CTNNA3: variants seen among roughly 807,000 people sequenced by gnomAD.
CTNNA3 encodes the protein catenin alpha 3.
Under a neutral mutation model 95.7 loss-of-function variants are expected in CTNNA3, and 76 were observed. The observed-to-expected ratio is 0.79, with a 90% confidence interval of 0.66 to 0.96. The LOEUF (loss-of-function observed/expected upper bound fraction) is 0.96. Among genes scored for constraint, CTNNA3 ranks in the 40% least tolerant of loss-of-function variants. The pLI is 0.00. For missense variants in CTNNA3, 1,191 were observed against 1,089.8 expected, an observed-to-expected ratio of 1.09 and a Z score of -1.31; for synonymous variants, 431 against 374.4, an observed-to-expected ratio of 1.15 and a Z score of -1.74.
At chr10:67,335,590 G>C (rs1027542478) in intron 5 of CTNNA3, among the ~76,000 whole-genome samples, 3 of 152,004 alleles carry the variant, frequency 2.0e-5, no homozygotes, top group Admixed American at 6.6e-5. Flanking sequence ...TATCTTACTT[G>C]TTTTTATTAA....
At chr10:66,320,119 C>T (rs1249522557) in intron 12 of CTNNA3, among the ~76,000 whole-genome samples, 2 of 152,050 alleles carry the variant, frequency 1.3e-5, no homozygotes, top group East Asian at 1.9e-4. Context: ...AGTCTCGCAC[C>T]TGATATATAA....
At chr10:66,972,621 CTAAG>C (rs1052499533) in intron 7 of CTNNA3, among the ~76,000 whole-genome samples, 4 of 150,160 alleles carry the variant, frequency 2.7e-5, no homozygotes, top group African/African-American at 9.8e-5. Flanking sequence ...AGTGCTTTTT[CTAAG>C]TAAGACATGA....
intron 7 of CTNNA3, among the ~76,000 whole-genome samples, chr10:66,873,873 G>A (rs1197806864): frequency 6.6e-6 from 1 of 152,096 alleles, no homozygotes; most frequent in African/African-American, 2.4e-5. Context: ...TGTCTAAGTT[G>A]TTATTTATTT....
intron 10 of CTNNA3, among the ~76,000 whole-genome samples, chr10:66,584,814 G>A (rs1843306646): frequency 6.6e-6 from 1 of 151,900 alleles, no homozygotes; most frequent in Non-Finnish European, 1.5e-5. Context: ...TATTTATTCT[G>A]GTGAGTAACA....
chr10:67,205,841 C>G (rs1863872291), intron 6 of CTNNA3, among the ~76,000 whole-genome samples: 1 of 152,122 alleles, frequency 6.6e-6, no homozygotes, highest in South Asian at 2.1e-4. Context: ...CTTTAGAAAA[C>G]TTGTCATGGT....
At chr10:66,558,830 C>T (rs1842467268) in intron 10 of CTNNA3, among the ~76,000 whole-genome samples, 1 of 152,110 alleles carries the variant, frequency 6.6e-6, no homozygotes, top group Non-Finnish European at 1.5e-5. Flanking sequence ...TCCAATTTCA[C>T]ATTCACAGTT....
At chr10:66,654,207 C>T (rs1846000503) in intron 9 of CTNNA3, among the ~76,000 whole-genome samples, 1 of 151,908 alleles carries the variant, frequency 6.6e-6, no homozygotes, top group Non-Finnish European at 1.5e-5. Context: ...AACCATATAT[C>T]TGATAAGGAG....
chr10:67,509,826 T>C (rs1839552449), intron 5 of CTNNA3, among the ~76,000 whole-genome samples: 1 of 152,222 alleles, frequency 6.6e-6, no homozygotes. Context: ...AAAGCATTCC[T>C]GTTTCTCCAC....
intron 9 of CTNNA3, among the ~76,000 whole-genome samples, chr10:66,642,127 G>T (rs1247035906): frequency 6.6e-6 from 1 of 151,960 alleles, no homozygotes; most frequent in Non-Finnish European, 1.5e-5. Flanking sequence ...GATGTTCTTT[G>T]GGTCAGGCTC....
intron 9 of CTNNA3, among the ~76,000 whole-genome samples, chr10:66,721,164 G>A (rs1191931882): frequency 1.2e-4 from 18 of 152,134 alleles, no homozygotes; most frequent in Non-Finnish European, 2.4e-4. Context: ...GAGAGGCTAT[G>A]GGATTTCCTC....
In CTNNA3 at chr10:66,257,512, C is replaced by T. The variant is rs533467616; in HGVS notation, c.1884+22958G>A. Among the ~76,000 whole-genome samples the T allele has an allele frequency of 2.0e-5, 3 of 152,318 alleles. No individual in the cohort carries two copies. In the South Asian group the frequency reaches 6.2e-4, roughly 32 times the overall value. ...CCCTCACCTTCCAGCTGTATTAACT[C>T]ACACTTCACTAAAAGAGCAACTGCA... On this transcript the variant is annotated intron_variant, in intron 13 of 17. Coordinates refer to ENST00000433211, the MANE Select transcript of CTNNA3 (RefSeq NM_013266.4).
chr10:67,487,745 G>C (rs1388919227), intron 5 of CTNNA3, among the ~76,000 whole-genome samples: 1 of 152,118 alleles, frequency 6.6e-6, no homozygotes, highest in Non-Finnish European at 1.5e-5. Context: ...ATTCCTGCAG[G>C]AAGAGCAGAG....
intron 15 of CTNNA3, 122 bp from the exon 16 acceptor site, chr10:65,988,919 C>G (rs1274646110): frequency 1.6e-6 from 1 of 639,818 alleles, no homozygotes; most frequent in Admixed American, 2.8e-5. Flanking sequence ...AAAATATTCG[C>G]ATCCCAAAGA....
intron 11 of CTNNA3, among the ~76,000 whole-genome samples, chr10:66,502,407 T>C (rs536113759): frequency 2.0e-4 from 30 of 152,282 alleles, no homozygotes; most frequent in Admixed American, 9.2e-4. Flanking sequence ...GATCATAAAA[T>C]ATAGAAAATA....
intron 5 of CTNNA3, among the ~76,000 whole-genome samples, chr10:67,314,882 T>C (rs925783138): frequency 1.3e-5 from 2 of 152,244 alleles, no homozygotes; most frequent in African/African-American, 4.8e-5. Context: ...GCTACATTGA[T>C]TTTTATCAGC....
rs190833778 is a variant in CTNNA3 at position 67,159,900 on chromosome 10, A to G, written c.1047+20417T>C. ...ATATTAATCTAAAAATTTTCTACACATCAAAGGCAACAATTGAGAGAGAAG... is the reference window on the plus strand; with the variant it reads ...ATATTAATCTAAAAATTTTCTACACGTCAAAGGCAACAATTGAGAGAGAAG... On this transcript the variant is annotated intron_variant, in intron 7 of 17. Transcript: ENST00000433211. Among the ~76,000 whole-genome samples the G allele has an allele frequency of 1.8e-3, 274 of 152,306 alleles. 1 individual carries two copies. The highest frequency in any genetic ancestry group is 3.4e-3 in the Middle Eastern group (1 of 294).
At chr10:66,586,738 G>T (rs1279511069) in intron 10 of CTNNA3, among the ~76,000 whole-genome samples, 1 of 152,124 alleles carries the variant, frequency 6.6e-6, no homozygotes, top group Non-Finnish European at 1.5e-5. Context: ...CTGTTTGACT[G>T]TTGGGGTAGA....
At chr10:66,045,159 C>A (rs143625537) in intron 15 of CTNNA3, among the ~76,000 whole-genome samples, 2 of 152,272 alleles carry the variant, frequency 1.3e-5, no homozygotes, top group African/African-American at 4.8e-5. Context: ...ATATTACACA[C>A]TTAGAGTTGC....
chr10:65,931,451 G>C (rs1423739183), intron 17 of CTNNA3, among the ~76,000 whole-genome samples: 1 of 152,180 alleles, frequency 6.6e-6, no homozygotes, highest in Non-Finnish European at 1.5e-5. Flanking sequence ...GAAGTAAAGG[G>C]AAGCAGATAA....
Sources: allele counts gnomAD v4.1 joint callset (sites outside exome capture counted in the v4.1 genomes callset), GRCh38; gene constraint gnomAD v4.1.1; transcripts MANE v1.5; gene names NCBI Gene and HGNC (gene_info 2026-07-23, HGNC 2026-07-21).